PITHD1: variants seen among roughly 807,000 people sequenced by gnomAD.
PITHD1 encodes PITH domain-containing protein 1.
PITHD1 carries 8 observed loss-of-function variants against 27.5 expected under a neutral mutation model. The ratio of observed to expected loss-of-function variants is 0.29; its 90% CI spans 0.17 to 0.52. The LOEUF (loss-of-function observed/expected upper bound fraction) is 0.52, where lower values mean the gene tolerates loss of function less well. Ranked by LOEUF, PITHD1 falls within the 20% of genes least tolerant of loss-of-function variation. The pLI, the probability that PITHD1 is intolerant of heterozygous loss-of-function variation, is 0.96. For synonymous variants in PITHD1, 118 were observed against 106.8 expected (o/e 1.10, Z -0.64); for missense variants, 233 against 283.9 (o/e 0.82, Z 1.29).
chr1:23,786,677 C>T (rs1638689914), intron 5 of PITHD1, among the ~76,000 whole-genome samples: 1 of 150,644 alleles, frequency 6.6e-6, no homozygotes, highest in Non-Finnish European at 1.5e-5. Context: ...GCGACCTCCG[C>T]CTCCCAGGTT....
chr1:23,780,923 C>G, intron 3 of PITHD1, among the ~76,000 whole-genome samples: 1 of 150,552 alleles, frequency 6.6e-6, no homozygotes, highest in Non-Finnish European at 1.5e-5. Flanking sequence ...TCCTAAAGGC[C>G]GAGCATGGTG....
rs1466287837 is a variant in PITHD1, at chr1:23,778,499, C to G, written c.-17C>G. On this transcript the variant is annotated 5_prime_UTR_variant, in exon 1 of 6. Transcript: ENST00000246151. Reference sequence around the variant, plus strand: ...GCGGCGGTGGGGCCGAGAGGACGCGCAGGTGGCGGCGTTGCCATGTCGCAC... The same window carrying G: ...GCGGCGGTGGGGCCGAGAGGACGCGGAGGTGGCGGCGTTGCCATGTCGCAC... The G allele has an allele frequency of 7.4e-7, 1 of 1,344,488 alleles. No individual in the cohort carries two copies. Among genetic ancestry groups the G allele is most frequent in the African/African-American group, 1.5e-5 (1 of 65,178 alleles). 83.3% of individuals were successfully genotyped at this position (1,344,488 alleles called of 1,614,324 possible).
At chr1:23,780,322 T>C (rs542461892) in intron 3 of PITHD1, among the ~76,000 whole-genome samples, 1 of 152,262 alleles carries the variant, frequency 6.6e-6, no homozygotes, top group East Asian at 1.9e-4. Flanking sequence ...TTTCATACAG[T>C]AATGATCTTA....
At chr1:23,782,354 G>C (rs575685040) in intron 3 of PITHD1, among the ~76,000 whole-genome samples, 1 of 152,070 alleles carries the variant, frequency 6.6e-6, no homozygotes, top group Middle Eastern at 3.4e-3. Flanking sequence ...GGGAGGCGGA[G>C]GTTGCAGTGA....
intron 4 of PITHD1, 92 bp downstream of exon 4, chr1:23,785,871 A>G: frequency 8.3e-6 from 6 of 721,358 alleles, no homozygotes; most frequent in South Asian, 1.6e-5. Flanking sequence ...AGCATTGGAA[A>G]TGAGTTAAAA....
At position 23,787,462 on chromosome 1, in the gene PITHD1, A is replaced by C. The variant is rs1156854219; in HGVS notation, c.*86A>C. The C allele has an allele frequency of 2.5e-6, 2 of 787,608 alleles. No individual in the cohort carries two copies. Among genetic ancestry groups the C allele is most frequent in the Non-Finnish European group, 4.3e-6 (2 of 462,162 alleles). 48.8% of individuals were successfully genotyped at this position (787,608 alleles called of 1,614,324 possible). A position where few individuals can be genotyped will look rare whatever the true frequency, so the allele number is the denominator to read the frequency against. On this transcript the variant is annotated 3_prime_UTR_variant, in exon 6 of 6. Transcript: ENST00000246151. ...GAAGGACAAAGGGATGAGGCTCCAG[A>C]GAGAGTTGGCTGCCACAGCCTCTGC...
At position 23,784,326 on chromosome 1, in the gene PITHD1, C is replaced by T. The variant is rs549325131; in HGVS notation, c.321-1349C>T. ...CGCCATCTCGGCTCACTCCAAGTTC[C>T]GCTTCCCAGGTTCATGCCATTCTCC... On this transcript the variant is annotated intron_variant, in intron 3 of 5. Coordinates refer to ENST00000246151, the MANE Select transcript of PITHD1 (RefSeq NM_020362.5). Among the ~76,000 whole-genome samples the T allele has an allele frequency of 3.6e-3, 528 of 145,954 alleles. 3 individuals carry two copies. Among genetic ancestry groups the T allele is most frequent in the African/African-American group, 0.013 (504 of 39,736 alleles).
At position 23,780,043 on chromosome 1, in the gene PITHD1, A is replaced by G. The variant is rs1053325525; in HGVS notation, c.320+102A>G. 44 of 760,814 alleles carry G rather than the reference A, an allele frequency of 5.8e-5. No individual in the cohort carries two copies. The Middle Eastern group carries it at 1.4e-3, about 25-fold the overall frequency. The allele number at this position is 760,814 out of a possible 1,614,324, so 47.1% of individuals were successfully genotyped here. On this transcript the variant is annotated intron_variant, in intron 3 of 5. Transcript: ENST00000246151. Reference sequence around the variant, plus strand: ...TCATTTTCTTCTTACCGGGTTTAATATTTCCCCTTTTAAAATATCTTGGTC... The same window carrying G: ...TCATTTTCTTCTTACCGGGTTTAATGTTTCCCCTTTTAAAATATCTTGGTC...
intron 1 of PITHD1, 84 bp downstream of exon 1, chr1:23,778,797 A>G: frequency 2.5e-6 from 2 of 815,844 alleles, no homozygotes; most frequent in Non-Finnish European, 3.3e-6. Flanking sequence ...TGATGTTAAG[A>G]ATAACGACAG....
rs1638682763 is a variant in PITHD1 at position 23,786,375 on chromosome 1, A to T, written c.486A>T (p.Ala162=). 1.2e-6 allele frequency: 2 copies of T among 1,608,430 alleles called. No homozygotes were observed. Among genetic ancestry groups the T allele is most frequent in the African/African-American group, 2.7e-5 (2 of 74,814 alleles). The stretch of plus-strand genomic sequence containing the variant: ...TTCATATTTCAAAAAACTTCGGAGC[A>T]GATACGACAAAGGTCTTTTATATTG... ...LSIHISKNFG[A]DTTKVFYIGL... Residue 162 remains alanine (A), a synonymous_variant, in exon 5 of 6, where the codon GCA becomes GCT. Transcript: ENST00000246151.
rs562528719 is a variant in PITHD1 at position 23,787,403 on chromosome 1, G to A, written c.*27G>A. 1.6e-5 allele frequency: 20 copies of A among 1,279,214 alleles called. No homozygotes were observed. Among genetic ancestry groups the A allele is most frequent in the Non-Finnish European group, 2.1e-5 (18 of 878,038 alleles). The allele number at this position is 1,279,214 out of a possible 1,614,324, so 79.2% of individuals were successfully genotyped here. A position where few individuals can be genotyped will look rare whatever the true frequency, so the allele number is the denominator to read the frequency against. ...GGCTGGCCAAGGCTCCCATAGAGGC[G>A]CTGTGTCAGTGAAGATGTACGACTA... is the stretch of plus-strand genomic sequence containing the variant. On this transcript the variant is annotated 3_prime_UTR_variant, in exon 6 of 6. Transcript: ENST00000246151.
At chr1:23,782,252 C>G (rs1212831241) in intron 3 of PITHD1, among the ~76,000 whole-genome samples, 2 of 151,946 alleles carry the variant, frequency 1.3e-5, no homozygotes, top group Non-Finnish European at 2.9e-5. Context: ...AACCCTGTCT[C>G]TACTAAAAAC....
rs540865451 is a variant in PITHD1, at chr1:23,785,844, C to T, written c.425+65C>T. The T allele has an allele frequency of 2.3e-5, 20 of 853,710 alleles. No homozygotes were observed. In the South Asian group the frequency reaches 2.6e-4, roughly 11 times the overall value. 52.9% of individuals were successfully genotyped at this position (853,710 alleles called of 1,614,324 possible). ...ATAGGGCTTGCCATTTATTTTTGGC[C>T]AGTCTCCTGCTCTCTTAGCATTGGA... On this transcript the variant is annotated intron_variant, in intron 4 of 5. Coordinates refer to ENST00000246151, the MANE Select transcript of PITHD1 (RefSeq NM_020362.5).
At position 23,787,212 on chromosome 1, in the gene PITHD1, G is replaced by T; in HGVS notation, c.535-63G>T. The T allele has an allele frequency of 6.0e-6, 6 of 1,000,992 alleles. No individual in the cohort carries two copies. In the South Asian group the frequency reaches 6.4e-5, roughly 11 times the overall value. The allele number at this position is 1,000,992 out of a possible 1,614,324, so 62.0% of individuals were successfully genotyped here. On this transcript the variant is annotated intron_variant, in intron 5 of 5. Coordinates refer to ENST00000246151, the MANE Select transcript of PITHD1 (RefSeq NM_020362.5). ...ACCTGAATAAGGACTACCGCAATGT[G>T]TGTGGTGTGGGAAAGGACAGTTCTT...
chr1:23,782,902 CA>C (rs199719605), intron 3 of PITHD1, among the ~76,000 whole-genome samples: 1 of 149,414 alleles, frequency 6.7e-6, no homozygotes, highest in African/African-American at 2.5e-5. Context: ...TGCACCCAGC[CA>C]AAAAAAAATT....
intron 3 of PITHD1, among the ~76,000 whole-genome samples, chr1:23,780,171 G>T (rs905851229): frequency 6.6e-6 from 1 of 152,122 alleles, no homozygotes; most frequent in Admixed American, 6.5e-5. Flanking sequence ...ATTTCAAAGT[G>T]CTTACTATGA....
chr1:23,781,462 C>A (rs905349689), intron 3 of PITHD1, among the ~76,000 whole-genome samples: 893 of 125,794 alleles, frequency 7.1e-3, no homozygotes, highest in Admixed American at 8.5e-3. Flanking sequence ...GACTCTGTCT[C>A]AAAAAAAAAA....
chr1:23,783,861 G>C (rs893737204), intron 3 of PITHD1, among the ~76,000 whole-genome samples: 1 of 152,182 alleles, frequency 6.6e-6, no homozygotes, highest in African/African-American at 2.4e-5. Flanking sequence ...GTTGATCATC[G>C]AAGATGAGTG....
At position 23,779,403 on chromosome 1, in the gene PITHD1, G is replaced by T. The variant is rs189344946; in HGVS notation, c.199-35G>T. 29 of 1,567,338 alleles carry T rather than the reference G, an allele frequency of 1.9e-5. No homozygotes were observed. The African/African-American group carries it at 3.9e-4, about 21-fold the overall frequency. On this transcript the variant is annotated intron_variant, in intron 1 of 5. Coordinates refer to ENST00000246151, the MANE Select transcript of PITHD1 (RefSeq NM_020362.5). ...AATTGTAGGCTCTCAGCAAATATTT[G>T]TTGCTTTCTCCTCCCCCCTCCCCAT...
Sources: gnomAD v4.1 joint callset for allele counts (sites outside exome capture counted in the v4.1 genomes callset) on GRCh38, gnomAD v4.1.1 for gene constraint, MANE v1.5 for transcripts, NCBI Gene and HGNC (gene_info 2026-07-23, HGNC 2026-07-21) for gene names.